LRRN4: variants seen among roughly 807,000 people sequenced by gnomAD.
LRRN4 encodes the protein leucine-rich repeat neuronal protein 4.
Under a neutral mutation model 22.3 loss-of-function variants are expected in LRRN4, and 26 were observed. The ratio of observed to expected loss-of-function variants is 1.16; its 90% CI spans 0.85 to 1.62. LRRN4 has a LOEUF of 1.62. Among genes scored for constraint, LRRN4 ranks in the 40% most tolerant of loss-of-function variants. LRRN4 has a pLI of 0.00. For synonymous variants in LRRN4, 496 were observed against 486.2 expected (o/e 1.02, Z -0.26); for missense variants, 1,070 against 1,008.5 (o/e 1.06, Z -0.83).
rs1980922735 is a variant in LRRN4, at chr20:6,041,186, G to A, written c.2059C>T (p.Leu687=). 1.9e-6 allele frequency: 3 copies of A among 1,595,972 alleles called. No individual in the cohort carries two copies. The highest frequency in any genetic ancestry group is 1.7e-4 in the Middle Eastern group (1 of 5,928). The change falls in exon 5 of 5, where the codon CTG becomes TTG. Residue 687 remains leucine, a synonymous_variant. Coordinates refer to ENST00000378858, the MANE Select transcript of LRRN4 (RefSeq NM_152611.5). The surrounding 1 kb of genome is among the most constrained non-coding windows in gnomAD (Gnocchi z 9.4). ...KPSFALLLSG[L]CAASGLLLAS... ...AGCAACAGGCCGCTGGCGGCGCACA[G>A]CCCAGAGAGCAGGAGCGCGAAGCTG... is the stretch of plus-strand genomic sequence containing the variant.
chr20:6,048,769 A>C (rs1981170585), intron 3 of LRRN4, among the ~76,000 whole-genome samples: 1 of 152,198 alleles, frequency 6.6e-6, no homozygotes. Context: ...GCTCATCAGA[A>C]GGCCTTGGCT....
At chr20:6,043,192 T>C (rs994152528) in intron 4 of LRRN4, among the ~76,000 whole-genome samples, 1 of 152,076 alleles carries the variant, frequency 6.6e-6, no homozygotes, top group Non-Finnish European at 1.5e-5. Flanking sequence ...GAGGATCACT[T>C]GAGGCCAGGA....
Position 6,052,214 on chromosome 20 carries a change from C to A in LRRN4, c.586G>T (p.Ala196Ser), listed in dbSNP as rs780595913. 1.3e-6 allele frequency: 2 copies of A among 1,590,040 alleles called. No individual in the cohort carries two copies. The highest frequency in any genetic ancestry group is 1.7e-6 in the Non-Finnish European group (2 of 1,169,138). Residue 196 changes from alanine to serine, a missense_variant, in exon 2 of 5, where the codon GCT becomes TCT. By Grantham distance (99) the Ala-to-Ser change is moderately conservative. Coordinates refer to ENST00000378858, the MANE Select transcript of LRRN4 (RefSeq NM_152611.5). ...AQGGIAEAAF[A>S]GEDGAPLVTL... ...ACCAGGGGCGCGCCATCCTCTCCAG[C>A]GAACGCCGCCTCGGCGATGCCCCCC...
chr20:6,048,170 C>G (rs1359910797), intron 3 of LRRN4, among the ~76,000 whole-genome samples: 1 of 152,090 alleles, frequency 6.6e-6, no homozygotes, highest in East Asian at 1.9e-4. Context: ...CCAACCACTC[C>G]CTCCCTCCTT....
At chr20:6,047,066 C>T (rs1315847436) in intron 3 of LRRN4, among the ~76,000 whole-genome samples, 1 of 151,970 alleles carries the variant, frequency 6.6e-6, no homozygotes, top group Admixed American at 6.6e-5. Context: ...GTTACATGTT[C>T]TACATGTAAA....
chr20:6,042,048 A>T lies in LRRN4; in HGVS notation c.1197T>A (p.Pro399=). 1 of 1,613,890 alleles carries T rather than the reference A, an allele frequency of 6.2e-7. No individual in the cohort carries two copies. The highest frequency in any genetic ancestry group is 8.5e-7 in the Non-Finnish European group (1 of 1,179,944). Residue 399 remains proline (P), a synonymous_variant, in exon 5 of 5, where the codon CCT becomes CCA. Coordinates refer to ENST00000378858, the MANE Select transcript of LRRN4 (RefSeq NM_152611.5). ...VAPSAAPATR[P]AGDQQSVSKA... ...TGGAGACACTCTGCTGGTCTCCCGCAGGCCGGGTGGCGGGGGCTGCGCTGG... is the reference window on the plus strand; with the variant it reads ...TGGAGACACTCTGCTGGTCTCCCGCTGGCCGGGTGGCGGGGGCTGCGCTGG...
rs1261805845 is a variant in LRRN4, at chr20:6,045,444, TAAAAC to T, written c.861-769_861-765del. Among the ~76,000 whole-genome samples the T allele has an allele frequency of 8.1e-5, 12 of 147,490 alleles. 3 individuals carry two copies. Among genetic ancestry groups the T allele is most frequent in the Non-Finnish European group, 1.1e-4 (7 of 66,082 alleles). ...GAGAGTGAGACCCTGTCTCAAAAAA[TAAAAC>T]AAAACAAAACAAACAACAACAACAA... is the stretch of plus-strand genomic sequence containing the variant. On this transcript the variant is annotated intron_variant, in intron 3 of 4. Coordinates refer to ENST00000378858, the MANE Select transcript of LRRN4 (RefSeq NM_152611.5).
chr20:6,044,026 C>A (rs1272204720), intron 4 of LRRN4, among the ~76,000 whole-genome samples: 1 of 152,112 alleles, frequency 6.6e-6, no homozygotes, highest in Non-Finnish European at 1.5e-5. Flanking sequence ...TGTTCCCAGC[C>A]CCCCAGCTCC....
intron 3 of LRRN4, among the ~76,000 whole-genome samples, chr20:6,048,781 G>T (rs2123056529): frequency 6.6e-6 from 1 of 152,294 alleles, no homozygotes; most frequent in Non-Finnish European, 1.5e-5. Flanking sequence ...GCCTTGGCTG[G>T]AGATACTCAA....
intron 3 of LRRN4, among the ~76,000 whole-genome samples, chr20:6,047,694 G>A (rs946466657): frequency 6.6e-6 from 1 of 151,728 alleles, no homozygotes; most frequent in Non-Finnish European, 1.5e-5. Flanking sequence ...GGGAGGCTGA[G>A]GCAGGAGAGT....
chr20:6,041,306 A>AGGTGGTGCCCGGCGACAGCCCGTACAGAG lies in LRRN4; in HGVS notation c.1910_1938dup (p.Tyr647LeufsTer23). 6.3e-7 allele frequency: 1 copy of AGGTGGTGCCCGGCGACAGCCCGTACAGAG among 1,596,788 alleles called. No individual in the cohort carries two copies. The highest frequency in any genetic ancestry group is 8.5e-7 in the Non-Finnish European group (1 of 1,175,502). Reference sequence around the variant, plus strand: ...TTGGCCGCCAGCACGCACACGCGGTAGGTGGTGCCCGGCGACAGCCCGTAC... The same window carrying AGGTGGTGCCCGGCGACAGCCCGTACAGAG: ...TTGGCCGCCAGCACGCACACGCGGTAGGTGGTGCCCGGCGACAGCCCGTACAGAGGGTGGTGCCCGGCGACAGCCCGTAC... On this transcript the variant is annotated frameshift_variant, in exon 5 of 5. Coordinates refer to ENST00000378858, the MANE Select transcript of LRRN4 (RefSeq NM_152611.5). LOFTEE classifies it low-confidence loss of function (END_TRUNC). The surrounding 1 kb of genome is among the most constrained non-coding windows in gnomAD (Gnocchi z 9.4).
At chr20:6,043,563 G>A (rs929970586) in intron 4 of LRRN4, among the ~76,000 whole-genome samples, 3 of 152,170 alleles carry the variant, frequency 2.0e-5, no homozygotes, top group Non-Finnish European at 2.9e-5. Context: ...ATGTGGGGTT[G>A]GGGGGCAGAC....
intron 3 of LRRN4, among the ~76,000 whole-genome samples, chr20:6,050,362 G>T (rs766289758): frequency 6.6e-6 from 1 of 152,194 alleles, no homozygotes. Flanking sequence ...ACTTCCAAGG[G>T]ATTTTCTAAC....
In LRRN4 at chr20:6,052,272, G is replaced by GT. The variant is rs1244241966; in HGVS notation, c.527dup (p.Asn176LysfsTer42). On this transcript the variant is annotated frameshift_variant, in exon 2 of 5. Coordinates refer to ENST00000378858, the MANE Select transcript of LRRN4 (RefSeq NM_152611.5). LOFTEE classifies it high-confidence loss of function. ...CGCGACCCAGCGCGGTGCAGGAGAG[G>GT]TTGAGGAGCTGCAGCGCGGGGAAGC... The GT allele has an allele frequency of 1.9e-6, 3 of 1,546,958 alleles. No individual in the cohort carries two copies. The East Asian group carries it at 7.4e-5, about 38-fold the overall frequency.
chr20:6,043,191 T>A (rs1365843599), intron 4 of LRRN4, among the ~76,000 whole-genome samples: 1 of 152,040 alleles, frequency 6.6e-6, no homozygotes. Flanking sequence ...GGAGGATCAC[T>A]TGAGGCCAGG....
At chr20:6,050,197 C>T (rs1233933222) in intron 3 of LRRN4, among the ~76,000 whole-genome samples, 1 of 152,226 alleles carries the variant, frequency 6.6e-6, no homozygotes, top group Admixed American at 6.5e-5. Context: ...TTTCTCCTCA[C>T]AACATCGTGT....
At chr20:6,052,886 C>G in intron 1 of LRRN4, 82 bp from the exon 2 acceptor site, 1 of 1,372,906 alleles carries the variant, frequency 7.3e-7, no homozygotes, top group Non-Finnish European at 9.8e-7. Context: ...AACCCTACCT[C>G]CAGGGCTCTG....
At chr20:6,044,701 T>A (rs1384171817) in intron 3 of LRRN4, 21 bp from the exon 4 acceptor site, 7 of 1,493,706 alleles carry the variant, frequency 4.7e-6, no homozygotes, top group Non-Finnish European at 6.3e-6. Flanking sequence ...AACAAAAAAA[T>A]TAATTAAGTC....
In LRRN4 at chr20:6,041,221, G is replaced by A. The variant is rs773482346; in HGVS notation, c.2024C>T (p.Thr675Ile). The A allele has an allele frequency of 1.3e-6, 2 of 1,585,338 alleles. No homozygotes were observed. Among genetic ancestry groups the A allele is most frequent in the Admixed American group, 3.5e-5 (2 of 57,676 alleles). ...CAGGAGCGCGAAGCTGGGCTTGGTGGTGAAGGCGGCGCACGGGCTCCTCCA... is the reference window on the plus strand; with the variant it reads ...CAGGAGCGCGAAGCTGGGCTTGGTGATGAAGGCGGCGCACGGGCTCCTCCA... ...SGWRSPCAAF[T>I]TKPSFALLLS... Residue 675 changes from threonine (T) to isoleucine (I), a missense_variant, in exon 5 of 5, where the codon ACC becomes ATC. Thr to Ile is a moderately conservative substitution (Grantham distance 89, BLOSUM62 -1). Coordinates refer to ENST00000378858, the MANE Select transcript of LRRN4 (RefSeq NM_152611.5). The surrounding 1 kb of genome is among the most constrained non-coding windows in gnomAD (Gnocchi z 9.4).
Sources: gnomAD v4.1 joint callset for allele counts (sites outside exome capture counted in the v4.1 genomes callset) on GRCh38, gnomAD v4.1.1 for gene constraint, Gnocchi (gnomAD v3.1) non-coding constraint, MANE v1.5 for transcripts, NCBI Gene and HGNC (gene_info 2026-07-23, HGNC 2026-07-21) for gene names.